The following HS6ST3 variants were observed in gnomAD, a reference collection of about 807,000 sequenced individuals.
HS6ST3 encodes the protein heparan sulfate 6-O-sulfotransferase 3.
In HS6ST3, 12 loss-of-function variants were observed where a neutral mutation model predicts 36.7. That is an observed-to-expected ratio of 0.33 (90% CI 0.21 to 0.53). The LOEUF (loss-of-function observed/expected upper bound fraction) is 0.53. Among genes scored for constraint, HS6ST3 ranks in the 20% least tolerant of loss-of-function variants. The pLI, the probability that HS6ST3 is intolerant of heterozygous loss-of-function variation, is 0.95. For missense variants in HS6ST3, 584 were observed against 640.9 expected (o/e 0.91, Z 0.96); for synonymous variants, 240 against 257.5 (o/e 0.93, Z 0.65).
chr13:96,710,281 A>G (rs1016036124), intron 1 of HS6ST3, among the ~76,000 whole-genome samples: 1 of 152,256 alleles, frequency 6.6e-6, no homozygotes, highest in East Asian at 1.9e-4. Flanking sequence ...AATGAAAGAT[A>G]AAGCAGGACC....
chr13:96,511,105 G>A (rs902068523), intron 1 of HS6ST3, among the ~76,000 whole-genome samples: 1 of 152,146 alleles, frequency 6.6e-6, no homozygotes, highest in African/African-American at 2.4e-5. Context: ...TCAGCACACT[G>A]AGATGCATGG....
intron 1 of HS6ST3, among the ~76,000 whole-genome samples, chr13:96,341,325 C>A (rs977738098): frequency 2.8e-4 from 43 of 152,220 alleles, no homozygotes; most frequent in Admixed American, 2.6e-4. Context: ...TGGAGAAGGA[C>A]TAATTTTTCT....
In HS6ST3 at chr13:96,672,387, C is replaced by G. The variant is rs2056685524; in HGVS notation, c.708-160103C>G. Reference sequence around the variant, plus strand: ...CACTAATTCATCCCCAAACATTCTCCCAATATTTCAAACTCCTGTCAGTAT... The same window carrying G: ...CACTAATTCATCCCCAAACATTCTCGCAATATTTCAAACTCCTGTCAGTAT... On this transcript the variant is annotated intron_variant, in intron 1 of 1. Transcript: ENST00000376705. Among the ~76,000 whole-genome samples, 3 of 152,204 alleles carry G rather than the reference C, an allele frequency of 2.0e-5. No individual in the cohort carries two copies. The South Asian group carries it at 6.2e-4, about 32-fold the overall frequency.
At chr13:96,379,548 A>C (rs993800613) in intron 1 of HS6ST3, among the ~76,000 whole-genome samples, 1 of 152,226 alleles carries the variant, frequency 6.6e-6, no homozygotes, top group African/African-American at 2.4e-5. Flanking sequence ...ATCTATGGGT[A>C]TCTTGTCATA....
chr13:96,706,273 C>A (rs1265582579), intron 1 of HS6ST3, among the ~76,000 whole-genome samples: 1 of 151,414 alleles, frequency 6.6e-6, no homozygotes, highest in East Asian at 1.9e-4. Context: ...TGTGTTACAC[C>A]CAGAGATGGA....
At chr13:96,146,298 T>C (rs983222666) in intron 1 of HS6ST3, among the ~76,000 whole-genome samples, 14 of 152,166 alleles carry the variant, frequency 9.2e-5, no homozygotes, top group African/African-American at 3.4e-4. Context: ...CATGGAATGT[T>C]TTTCCGTTTG....
At chr13:96,628,876 T>C (rs1167096471) in intron 1 of HS6ST3, among the ~76,000 whole-genome samples, 2 of 152,072 alleles carry the variant, frequency 1.3e-5, no homozygotes, top group Non-Finnish European at 2.9e-5. Context: ...TTTGCATATG[T>C]ACGTACACAT....
chr13:96,637,960 G>A (rs1470590946), intron 1 of HS6ST3, among the ~76,000 whole-genome samples: 1 of 152,080 alleles, frequency 6.6e-6, no homozygotes, highest in African/African-American at 2.4e-5. Flanking sequence ...GTCAGCTATA[G>A]CATTCTTATA....
chr13:96,239,947 G>T lies in HS6ST3; in HGVS notation c.707+148378G>T, dbSNP rs2054552395. 1.3e-5 allele frequency among the ~76,000 whole-genome samples: 2 copies of T among 152,096 alleles called. 1 individual carries two copies. The highest frequency in any genetic ancestry group is 4.2e-4 in the South Asian group (2 of 4,810). The stretch of plus-strand genomic sequence containing the variant: ...GCAATAGAAAAGCAAACTCTTGGTG[G>T]TTAGATCTCTATGTTTAGTCACTTT... On this transcript the variant is annotated intron_variant, in intron 1 of 1. Coordinates refer to ENST00000376705, the MANE Select transcript of HS6ST3 (RefSeq NM_153456.4).
intron 1 of HS6ST3, among the ~76,000 whole-genome samples, chr13:96,645,015 G>T (rs995670052): frequency 2.6e-5 from 4 of 152,038 alleles, no homozygotes; most frequent in Admixed American, 2.0e-4. Flanking sequence ...AAATATGTGT[G>T]CTCAGGTCAC....
chr13:96,391,771 G>A (rs1333382960), intron 1 of HS6ST3, among the ~76,000 whole-genome samples: 2 of 152,156 alleles, frequency 1.3e-5, no homozygotes, highest in African/African-American at 4.8e-5. Flanking sequence ...CACAAGAACA[G>A]CATGGGAAAG....
intron 1 of HS6ST3, among the ~76,000 whole-genome samples, chr13:96,682,454 T>G (rs2056721716): frequency 6.6e-6 from 1 of 152,150 alleles, no homozygotes; most frequent in South Asian, 2.1e-4. Flanking sequence ...ACACAATGAT[T>G]GCTTGATACG....
chr13:96,211,890 A>G (rs986026812), intron 1 of HS6ST3, among the ~76,000 whole-genome samples: 1 of 152,174 alleles, frequency 6.6e-6, no homozygotes, highest in East Asian at 1.9e-4. Context: ...ACTTTCAACA[A>G]CCCCAGAGGA....
intron 1 of HS6ST3, among the ~76,000 whole-genome samples, chr13:96,762,599 G>A (rs1284011046): frequency 6.6e-6 from 1 of 152,158 alleles, no homozygotes; most frequent in African/African-American, 2.4e-5. Context: ...AATCTCTCTC[G>A]TGGGTTGGTT....
At chr13:96,187,101 T>TG (rs2054268374) in intron 1 of HS6ST3, among the ~76,000 whole-genome samples, 1 of 152,226 alleles carries the variant, frequency 6.6e-6, no homozygotes, top group African/African-American at 2.4e-5. Context: ...ACACATGTCC[T>TG]CTACTTTGGT....
At chr13:96,751,275 G>A (rs1359218373) in intron 1 of HS6ST3, among the ~76,000 whole-genome samples, 1 of 152,050 alleles carries the variant, frequency 6.6e-6, no homozygotes, top group Non-Finnish European at 1.5e-5. Context: ...AGACTATCTG[G>A]ATGAGCCCTG....
intron 1 of HS6ST3, among the ~76,000 whole-genome samples, chr13:96,519,207 G>T (rs552090864): frequency 6.6e-6 from 1 of 152,172 alleles, no homozygotes; most frequent in Non-Finnish European, 1.5e-5. Flanking sequence ...GGTTAATGCT[G>T]CCTTTGAGTC....
intron 1 of HS6ST3, among the ~76,000 whole-genome samples, chr13:96,238,600 T>C (rs1024648253): frequency 2.0e-5 from 3 of 152,236 alleles, no homozygotes; most frequent in African/African-American, 7.2e-5. Context: ...CATTATTCTC[T>C]AGCACAGTAC....
At chr13:96,832,393 G>A in intron 1 of HS6ST3, 97 bp from the exon 2 acceptor site, 2 of 835,544 alleles carry the variant, frequency 2.4e-6, no homozygotes, top group Non-Finnish European at 3.6e-6. Context: ...ATTTGGCAAA[G>A]AGTCCCTTGA....
Sources: allele counts gnomAD v4.1 joint callset (sites outside exome capture counted in the v4.1 genomes callset), GRCh38; gene constraint gnomAD v4.1.1; transcripts MANE v1.5; gene names NCBI Gene and HGNC (gene_info 2026-07-23, HGNC 2026-07-21).